Variants in LRP1B observed in about 807,000 individuals in gnomAD.
The protein encoded by LRP1B is LDL receptor related protein 1B.
A neutral mutation model predicts 556.6 loss-of-function variants in LRP1B; 217 were observed. That is an observed-to-expected ratio of 0.39 (90% CI 0.35 to 0.44). LRP1B has a LOEUF of 0.44. Ranked by LOEUF, LRP1B falls within the 20% of genes least tolerant of loss-of-function variation. The pLI is 1.00. For synonymous variants in LRP1B, 2,047 were observed against 1,865.8 expected (o/e 1.10, Z -2.50); for missense variants, 5,053 against 5,620.8 (o/e 0.90, Z 3.23).
intron 1 of LRP1B, among the ~76,000 whole-genome samples, chr2:141,820,464 A>C (rs76204965): frequency 0.012 from 1,788 of 152,266 alleles, 41 homozygotes; most frequent in African/African-American, 0.042. Flanking sequence ...TGAAAAATAA[A>C]CCCTATTAGA....
At chr2:141,444,816 G>A (rs181041200) in intron 3 of LRP1B, among the ~76,000 whole-genome samples, 1 of 152,284 alleles carries the variant, frequency 6.6e-6, no homozygotes, top group Middle Eastern at 3.4e-3. Context: ...ATGTGCTGCT[G>A]GATTCGGTTT....
intron 3 of LRP1B, among the ~76,000 whole-genome samples, chr2:141,357,129 C>G (rs1688657480): frequency 6.6e-6 from 1 of 151,736 alleles, no homozygotes; most frequent in Non-Finnish European, 1.5e-5. Flanking sequence ...GATCTTGGCT[C>G]ACTGCAACCT....
At chr2:141,103,077 G>T (rs578088441) in intron 7 of LRP1B, among the ~76,000 whole-genome samples, 1 of 151,212 alleles carries the variant, frequency 6.6e-6, no homozygotes, top group Non-Finnish European at 1.5e-5. Flanking sequence ...TCTTACCTTG[G>T]TATTTTATGA....
chr2:140,483,896 G>A (rs895334179), intron 59 of LRP1B, among the ~76,000 whole-genome samples: 7 of 151,448 alleles, frequency 4.6e-5, no homozygotes, highest in East Asian at 1.9e-4. Context: ...CCGCCTCGGC[G>A]CCCAAAGTGC....
chr2:140,809,823 T>A (rs998537900), intron 32 of LRP1B, among the ~76,000 whole-genome samples: 1 of 152,136 alleles, frequency 6.6e-6, no homozygotes, highest in Non-Finnish European at 1.5e-5. Context: ...TTCCCACGTG[T>A]ACTTCTTCAC....
At position 140,465,346 on chromosome 2, in the gene LRP1B, A is replaced by T. The variant is rs528731864; in HGVS notation, c.9626-7695T>A. ...AGATTTGGACAGGAAAAAATATCCA[A>T]ACTGTATCAGTGTTCTAGGTAGTCC... On this transcript the variant is annotated intron_variant, in intron 60 of 90. Transcript: ENST00000389484. Among the ~76,000 whole-genome samples the T allele has an allele frequency of 2.0e-5, 3 of 152,240 alleles. No individual in the cohort carries two copies. The South Asian group carries it at 6.2e-4, about 32-fold the overall frequency.
At chr2:141,912,062 C>CCGCCAT (rs1360951310) in intron 1 of LRP1B, among the ~76,000 whole-genome samples, 7 of 152,160 alleles carry the variant, frequency 4.6e-5, no homozygotes, top group Non-Finnish European at 7.4e-5. Flanking sequence ...TATTTTGGGA[C>CCGCCAT]ATAGCTATCA....
chr2:141,693,680 G>A (rs1470374796), intron 2 of LRP1B, among the ~76,000 whole-genome samples: 1 of 152,014 alleles, frequency 6.6e-6, no homozygotes, highest in African/African-American at 2.4e-5. Flanking sequence ...TATACAGACA[G>A]ATCATTTGTT....
intron 1 of LRP1B, among the ~76,000 whole-genome samples, chr2:142,012,089 G>GA (rs543886900): frequency 2.6e-5 from 4 of 152,030 alleles, no homozygotes; most frequent in South Asian, 2.1e-4. Flanking sequence ...GGCAAAAGAT[G>GA]AAAAAAATGC....
chr2:141,239,358 G>A (rs1162683676), intron 5 of LRP1B, among the ~76,000 whole-genome samples: 1 of 152,030 alleles, frequency 6.6e-6, no homozygotes, highest in Admixed American at 6.6e-5. Flanking sequence ...GCAGAGCAAA[G>A]GAAAGTGGAA....
intron 86 of LRP1B, among the ~76,000 whole-genome samples, chr2:140,266,761 C>G (rs185767740): frequency 2.9e-4 from 44 of 152,090 alleles, no homozygotes; most frequent in African/African-American, 1.0e-3. Context: ...TAAAGCCTCC[C>G]ACTCTCCCAC....
At chr2:140,808,252 A>G (rs1690794678) in intron 32 of LRP1B, among the ~76,000 whole-genome samples, 2 of 76,576 alleles carry the variant, frequency 2.6e-5, no homozygotes, top group South Asian at 8.9e-4. Flanking sequence ...CAGGCAATAC[A>G]CTATTTGAGC....
At chr2:141,749,370 C>T (rs111819102) in intron 2 of LRP1B, among the ~76,000 whole-genome samples, 4 of 152,018 alleles carry the variant, frequency 2.6e-5, no homozygotes, top group African/African-American at 4.8e-5. Flanking sequence ...AAAATTAACC[C>T]CAACTTTAGA....
chr2:141,581,452 G>A (rs1472203889), intron 2 of LRP1B, among the ~76,000 whole-genome samples: 3 of 152,056 alleles, frequency 2.0e-5, no homozygotes, highest in African/African-American at 4.8e-5. Flanking sequence ...GTGGGAGGAT[G>A]GGAGGGTAAA....
chr2:141,915,610 T>A (rs1700010546), intron 1 of LRP1B, among the ~76,000 whole-genome samples: 1 of 152,184 alleles, frequency 6.6e-6, no homozygotes, highest in African/African-American at 2.4e-5. Flanking sequence ...AAAGAGCTAC[T>A]GCACAGCAAA....
chr2:140,368,002 T>C (rs1279684102), intron 71 of LRP1B, among the ~76,000 whole-genome samples: 2 of 151,756 alleles, frequency 1.3e-5, no homozygotes, highest in Non-Finnish European at 2.9e-5. Context: ...TGAAATCATA[T>C]TGTAAGAGAA....
In LRP1B at chr2:141,049,100, G is replaced by C. The variant is rs1379294814; in HGVS notation, c.1675C>G (p.Arg559Gly). ...MIPIENLVNP[R>G]ALDFHAETNY... is the part of the protein sequence containing the mutation. ...GTTTCTGCGTGAAAGTCTAAAGCACGAGGGTTTACCAGATTTTCTATGGGG... is the reference window on the plus strand; with the variant it reads ...GTTTCTGCGTGAAAGTCTAAAGCACCAGGGTTTACCAGATTTTCTATGGGG... The change falls in exon 11 of 91, where the codon CGT becomes GGT. Residue 559 changes from arginine to glycine, a missense_variant. Arg to Gly is a moderately radical substitution (Grantham distance 125). Coordinates refer to ENST00000389484, the MANE Select transcript of LRP1B (RefSeq NM_018557.3). The C allele has an allele frequency of 6.2e-7, 1 of 1,613,498 alleles. No individual in the cohort carries two copies. The highest frequency in any genetic ancestry group is 8.5e-7 in the Non-Finnish European group (1 of 1,179,626).
At chr2:140,429,749 CCTTA>C (rs1465964968) in intron 66 of LRP1B, among the ~76,000 whole-genome samples, 6 of 152,156 alleles carry the variant, frequency 3.9e-5, no homozygotes, top group Non-Finnish European at 7.4e-5. Flanking sequence ...AACAACTTGA[CCTTA>C]CTGTTTTAGG....
chr2:140,624,796 T>C (rs1683595822), intron 41 of LRP1B, among the ~76,000 whole-genome samples: 1 of 152,198 alleles, frequency 6.6e-6, no homozygotes, highest in Admixed American at 6.5e-5. Flanking sequence ...GTGATAACTA[T>C]TTCTGTAAAA....
Sources: allele counts gnomAD v4.1 joint callset (sites outside exome capture counted in the v4.1 genomes callset), GRCh38; gene constraint gnomAD v4.1.1; transcripts MANE v1.5; gene names NCBI Gene and HGNC (gene_info 2026-07-23, HGNC 2026-07-21).